Variants in GDF11 observed in about 807,000 individuals in gnomAD.
GDF11 encodes the protein growth/differentiation factor 11.
GDF11 carries 12 observed loss-of-function variants against 34.4 expected under a neutral mutation model. The observed-to-expected ratio is 0.35, with a 90% CI of 0.22 to 0.57. The LOEUF (loss-of-function observed/expected upper bound fraction) is 0.57, where lower values mean the gene tolerates loss of function less well. Ranked by LOEUF, GDF11 falls within the 20% of genes least tolerant of loss-of-function variation. The pLI is 0.86. For synonymous variants in GDF11, 212 were observed against 231.1 expected, an observed-to-expected ratio of 0.92 and a Z score of 0.75; for missense variants, 346 against 548.2, an observed-to-expected ratio of 0.63 and a Z score of 3.68.
At chr12:55,746,029 T>C (rs1483863971) in intron 1 of GDF11, among the ~76,000 whole-genome samples, 1 of 151,706 alleles carries the variant, frequency 6.6e-6, no homozygotes, top group Non-Finnish European at 1.5e-5. Context: ...AGGGAGGGGG[T>C]TGGGCATTTG....
chr12:55,753,339 C>G lies in GDF11; in HGVS notation c.*3457C>G, dbSNP rs1565667430. 1.3e-5 allele frequency: 2 copies of G among 152,220 alleles called. No individual in the cohort carries two copies. Among genetic ancestry groups the G allele is most frequent in the Non-Finnish European group, 2.9e-5 (2 of 68,046 alleles). 9.4% of individuals were successfully genotyped at this position (152,220 alleles called of 1,614,324 possible). A position where few individuals can be genotyped will look rare whatever the true frequency, so the allele number is the denominator to read the frequency against. ...TAGCCAACGAACTTGCCTTGTTACA[C>G]AAGAGTGGCTAAAATAGCATCTCAA... is the stretch of plus-strand genomic sequence containing the variant. On this transcript the variant is annotated 3_prime_UTR_variant, in exon 3 of 3. Transcript: ENST00000257868.
Position 55,749,699 on chromosome 12 carries a change from C to T in GDF11, c.1041C>T (p.Tyr347=), listed in dbSNP as rs1197476291. The stretch of plus-strand genomic sequence containing the variant: ...ACTACTGCTCCGGCCAGTGCGAGTA[C>T]ATGTTCATGCAAAAATATCCGCATA... The part of the protein sequence containing the change: ...KANYCSGQCE[Y]MFMQKYPHTH... The change falls in exon 3 of 3, where the codon TAC becomes TAT. Residue 347 remains tyrosine (Y), a synonymous_variant. Coordinates refer to ENST00000257868, the MANE Select transcript of GDF11 (RefSeq NM_005811.5). This position sits in a 1 kb window ranked among gnomAD's most constrained non-coding sequence, Gnocchi z 5.6. The T allele has an allele frequency of 3.1e-6, 5 of 1,614,032 alleles. No individual in the cohort carries two copies. The African/African-American group carries it at 4.0e-5, about 13-fold the overall frequency.
At position 55,751,810 on chromosome 12, in the gene GDF11, T is replaced by C. The variant is rs1379530064; in HGVS notation, c.*1928T>C. 6.6e-6 allele frequency: 1 copy of C among 152,102 alleles called. No homozygotes were observed. Among genetic ancestry groups the C allele is most frequent in the Non-Finnish European group, 1.5e-5 (1 of 68,036 alleles). The allele number at this position is 152,102 out of a possible 1,614,324, so 9.4% of individuals were successfully genotyped here. On this transcript the variant is annotated 3_prime_UTR_variant, in exon 3 of 3. Transcript: ENST00000257868. ...GTAGAGCCAGCAGTTACGGGTCTGATAAAAACAGTACTGAACTAAAGTAAA... is the reference window on the plus strand; with the variant it reads ...GTAGAGCCAGCAGTTACGGGTCTGACAAAAACAGTACTGAACTAAAGTAAA...
chr12:55,751,240 AGG>A lies in GDF11; in HGVS notation c.*1360_*1361del. 6.6e-6 allele frequency: 1 copy of A among 152,434 alleles called. No homozygotes were observed. Among genetic ancestry groups the A allele is most frequent in the East Asian group, 1.9e-4 (1 of 5,180 alleles). The allele number at this position is 152,434 out of a possible 1,614,324, so 9.4% of individuals were successfully genotyped here. ...TTGGAATCTAACAGTACCTGGCAGC[AGG>A]GAGGGGAAAGTACAGTGGGGAAAAG... On this transcript the variant is annotated 3_prime_UTR_variant, in exon 3 of 3. Coordinates refer to ENST00000257868, the MANE Select transcript of GDF11 (RefSeq NM_005811.5).
chr12:55,748,479 G>T lies in GDF11; in HGVS notation c.446-107G>T, dbSNP rs539006048. The T allele has an allele frequency of 5.2e-6, 5 of 954,626 alleles. No homozygotes were observed. Among genetic ancestry groups the T allele is most frequent in the South Asian group, 4.7e-5 (3 of 63,550 alleles). 59.1% of individuals were successfully genotyped at this position (954,626 alleles called of 1,614,324 possible). On this transcript the variant is annotated intron_variant, in intron 1 of 2. Coordinates refer to ENST00000257868, the MANE Select transcript of GDF11 (RefSeq NM_005811.5). This position sits in a 1 kb window ranked among gnomAD's most constrained non-coding sequence, Gnocchi z 5.6. The stretch of plus-strand genomic sequence containing the variant: ...ATAGGCATGGGAGAAGGGTAAAGAA[G>T]AACTGGAAAATCAGGCTGAGAAGTC...
At position 55,753,099 on chromosome 12, in the gene GDF11, CCT is replaced by C. The variant is rs1209666646; in HGVS notation, c.*3222_*3223del. On this transcript the variant is annotated 3_prime_UTR_variant, in exon 3 of 3. Coordinates refer to ENST00000257868, the MANE Select transcript of GDF11 (RefSeq NM_005811.5). ...GAAACTGGGGGTACCTAGAACAACC[CCT>C]CTCTGAAAAGCTTGAGCCAAAACAG... 2 of 152,164 alleles carry C rather than the reference CCT, an allele frequency of 1.3e-5. No individual in the cohort carries two copies. Among genetic ancestry groups the C allele is most frequent in the Admixed American group, 6.6e-5 (1 of 15,256 alleles). 9.4% of individuals were successfully genotyped at this position (152,164 alleles called of 1,614,324 possible).
rs1330744784 is a variant in GDF11, at chr12:55,750,259, G to C, written c.*377G>C. The C allele has an allele frequency of 5.2e-6, 1 of 191,672 alleles. No individual in the cohort carries two copies. Among genetic ancestry groups the C allele is most frequent in the Non-Finnish European group, 1.1e-5 (1 of 94,016 alleles). 11.9% of individuals were successfully genotyped at this position (191,672 alleles called of 1,614,324 possible). ...AAACACTGAGAAAGAGACTGAAATG[G>C]AGTAATAAATGAAAGCCCCACACCA... On this transcript the variant is annotated 3_prime_UTR_variant, in exon 3 of 3. Coordinates refer to ENST00000257868, the MANE Select transcript of GDF11 (RefSeq NM_005811.5).
intron 1 of GDF11, among the ~76,000 whole-genome samples, chr12:55,744,888 G>C (rs1236116401): frequency 6.6e-6 from 1 of 152,162 alleles, no homozygotes; most frequent in Admixed American, 6.5e-5. Context: ...GGGAGTCCCA[G>C]TGGCCCACCC....
chr12:55,751,487 A>C lies in GDF11; in HGVS notation c.*1605A>C, dbSNP rs1878320476. ...CAGCACCCGCCACAGCCAAGAGATG[A>C]ATTCTGAGCACTTACCACGGGCACT... On this transcript the variant is annotated 3_prime_UTR_variant, in exon 3 of 3. Coordinates refer to ENST00000257868, the MANE Select transcript of GDF11 (RefSeq NM_005811.5). 6.6e-6 allele frequency: 1 copy of C among 152,370 alleles called. No individual in the cohort carries two copies. The highest frequency in any genetic ancestry group is 6.5e-5 in the Admixed American group (1 of 15,288). The allele number at this position is 152,370 out of a possible 1,614,324, so 9.4% of individuals were successfully genotyped here. A position where few individuals can be genotyped will look rare whatever the true frequency, so the allele number is the denominator to read the frequency against.
intron 1 of GDF11, among the ~76,000 whole-genome samples, chr12:55,746,955 A>G (rs117642775): frequency 1.3e-5 from 2 of 152,330 alleles, no homozygotes; most frequent in East Asian, 3.9e-4. Context: ...TTCATTCACC[A>G]TGTATTTATT....
Position 55,749,537 on chromosome 12 carries a change from A to G in GDF11, c.879A>G (p.Thr293=). ...TGGAGCTTCGAGTCCTAGAGAACAC[A>G]AAACGTTCCCGGCGGAACCTGGGTC... ...PFMELRVLEN[T]KRSRRNLGLD... Residue 293 remains threonine, a synonymous_variant, in exon 3 of 3, where the codon ACA becomes ACG. Transcript: ENST00000257868. The surrounding 1 kb of genome is among the most constrained non-coding windows in gnomAD (Gnocchi z 5.6). 6.2e-7 allele frequency: 1 copy of G among 1,613,344 alleles called. No individual in the cohort carries two copies. The highest frequency in any genetic ancestry group is 1.3e-5 in the African/African-American group (1 of 75,018).
In GDF11 at chr12:55,750,230, G is replaced by C. The variant is rs1301599553; in HGVS notation, c.*348G>C. 2.9e-5 allele frequency: 7 copies of C among 237,926 alleles called. No individual in the cohort carries two copies. Among genetic ancestry groups the C allele is most frequent in the Non-Finnish European group, 3.3e-5 (4 of 123,026 alleles). The allele number at this position is 237,926 out of a possible 1,614,324, so 14.7% of individuals were successfully genotyped here. ...AGGCAGAAGAGACAGACGAGGCAGA[G>C]ACAAAACACTGAGAAAGAGACTGAA... On this transcript the variant is annotated 3_prime_UTR_variant, in exon 3 of 3. Coordinates refer to ENST00000257868, the MANE Select transcript of GDF11 (RefSeq NM_005811.5).
Position 55,743,747 on chromosome 12 carries a change from G to A in GDF11, c.431G>A (p.Ser144Asn). The change falls in exon 1 of 3, where the codon AGC becomes AAC. Residue 144 changes from serine (S) to asparagine (N), a missense_variant. Coordinates refer to ENST00000257868, the MANE Select transcript of GDF11 (RefSeq NM_005811.5). ...CACGCCACCACCGAGACCGTCATTA[G>A]CATGGCCCAGGAGAGTAAGTGGGCT... is the stretch of plus-strand genomic sequence containing the variant. Reference protein sequence around the residue: ...EYHATTETVISMAQETDPAVQ... With the variant: ...EYHATTETVINMAQETDPAVQ... 1 of 1,587,150 alleles carries A rather than the reference G, an allele frequency of 6.3e-7. No individual in the cohort carries two copies. Among genetic ancestry groups the A allele is most frequent in the Non-Finnish European group, 8.5e-7 (1 of 1,173,404 alleles).
rs1878431036 is a variant in GDF11 at position 55,754,197 on chromosome 12, A to C, written c.*4315A>C. 1.3e-5 allele frequency: 2 copies of C among 152,012 alleles called. No homozygotes were observed. Among genetic ancestry groups the C allele is most frequent in the Non-Finnish European group, 2.9e-5 (2 of 68,000 alleles). 9.4% of individuals were successfully genotyped at this position (152,012 alleles called of 1,614,324 possible). On this transcript the variant is annotated 3_prime_UTR_variant, in exon 3 of 3. Transcript: ENST00000257868. ...GGAACCATATCCACATCTACCCCTA[A>C]CTTTGGCCTGAGCTGAAAATGGGTT...
In GDF11 at chr12:55,743,757, G is replaced by A; in HGVS notation, c.441G>A (p.Gln147=). 6.4e-7 allele frequency: 1 copy of A among 1,554,306 alleles called. No individual in the cohort carries two copies. The highest frequency in any genetic ancestry group is 1.4e-5 in the African/African-American group (1 of 72,996). The change falls in exon 1 of 3, where the codon CAG becomes CAA. Residue 147 remains glutamine (Q), a synonymous_variant. Transcript: ENST00000257868. ...ATTETVISMA[Q]ETDPAVQTDG... is the part of the protein sequence containing the mutation. ...CCGAGACCGTCATTAGCATGGCCCAGGAGAGTAAGTGGGCTGCGGGGCGCG... is the reference window on the plus strand; with the variant it reads ...CCGAGACCGTCATTAGCATGGCCCAAGAGAGTAAGTGGGCTGCGGGGCGCG...
At position 55,748,678 on chromosome 12, in the gene GDF11, C is replaced by T; in HGVS notation, c.538C>T (p.Leu180=). The change falls in exon 2 of 3, where the codon CTG becomes TTG. Residue 180 remains leucine (L), a synonymous_variant. Coordinates refer to ENST00000257868, the MANE Select transcript of GDF11 (RefSeq NM_005811.5). This position sits in a 1 kb window ranked among gnomAD's most constrained non-coding sequence, Gnocchi z 5.6. Reference sequence around the variant, plus strand: ...GTTCACAAAGGTACTGAAGGCCCAGCTGTGGGTGTACCTACGGCCTGTACC... The same window carrying T: ...GTTCACAAAGGTACTGAAGGCCCAGTTGTGGGTGTACCTACGGCCTGTACC... The part of the protein sequence containing the change: ...VMFTKVLKAQ[L]WVYLRPVPRP... 6.2e-7 allele frequency: 1 copy of T among 1,614,254 alleles called. No homozygotes were observed. The highest frequency in any genetic ancestry group is 8.5e-7 in the Non-Finnish European group (1 of 1,180,042).
rs1477755408 is a variant in GDF11, at chr12:55,752,066, C to T, written c.*2184C>T. 6.6e-6 allele frequency: 1 copy of T among 152,190 alleles called. No homozygotes were observed. Among genetic ancestry groups the T allele is most frequent in the African/African-American group, 2.4e-5 (1 of 41,428 alleles). 9.4% of individuals were successfully genotyped at this position (152,190 alleles called of 1,614,324 possible). On this transcript the variant is annotated 3_prime_UTR_variant, in exon 3 of 3. Coordinates refer to ENST00000257868, the MANE Select transcript of GDF11 (RefSeq NM_005811.5). ...CAGCTTGCCTTCACCCATATAGCAGCTATGCTAACCCCAAGCCTCTCTGGC... is the reference window on the plus strand; with the variant it reads ...CAGCTTGCCTTCACCCATATAGCAGTTATGCTAACCCCAAGCCTCTCTGGC...
chr12:55,743,897 G>T, intron 1 of GDF11, 136 bp downstream of exon 1: 1 of 674,676 alleles, frequency 1.5e-6, no homozygotes, highest in Non-Finnish European at 2.4e-6. Context: ...ATTAGGGAGC[G>T]GGGGCTACTT....
chr12:55,748,693 C>T lies in GDF11; in HGVS notation c.553C>T (p.Arg185Trp), dbSNP rs774342921. 3 of 1,614,132 alleles carry T rather than the reference C, an allele frequency of 1.9e-6. No individual in the cohort carries two copies. Among genetic ancestry groups the T allele is most frequent in the African/African-American group, 1.3e-5 (1 of 74,944 alleles). The change falls in exon 2 of 3, where the codon CGG (arginine) becomes TGG (tryptophan). Residue 185 changes from arginine (R) to tryptophan (W), a missense_variant. Around this residue, in one of 3 missense-constraint regions of GDF11, gnomAD observed 205 missense variants for 311.3 expected, o/e 0.66. Coordinates refer to ENST00000257868, the MANE Select transcript of GDF11 (RefSeq NM_005811.5). This position sits in a 1 kb window ranked among gnomAD's most constrained non-coding sequence, Gnocchi z 5.6. ...GAAGGCCCAGCTGTGGGTGTACCTA[C>T]GGCCTGTACCCCGCCCAGCCACAGT... ...VLKAQLWVYL[R>W]PVPRPATVYL... is the part of the protein sequence containing the mutation.
Sources: allele counts gnomAD v4.1 joint callset (sites outside exome capture counted in the v4.1 genomes callset), GRCh38; gene constraint gnomAD v4.1.1; regional missense constraint gnomAD v4.1.1; non-coding constraint Gnocchi (gnomAD v3.1); transcripts MANE v1.5; gene names NCBI Gene and HGNC (gene_info 2026-07-23, HGNC 2026-07-21).